Variants in CCT8L2 observed in about 807,000 individuals in gnomAD.
CCT8L2 encodes chaperonin containing TCP1 subunit 8 like 2, also known as T-complex protein 1 subunit theta-like 2.
Under a neutral mutation model 31.5 loss-of-function variants are expected in CCT8L2, and 29 were observed. The observed-to-expected ratio is 0.92, with a 90% CI of 0.68 to 1.25. The LOEUF is 1.25. Ranked by LOEUF, CCT8L2 falls within the 50% of genes most tolerant of loss-of-function variation. The probability of loss-of-function intolerance (pLI) is 0.00; values close to 1 mark genes in which losing one functional copy is unlikely to be tolerated. For synonymous variants in CCT8L2, 256 were observed against 290.1 expected (o/e 0.88, Z 1.19); for missense variants, 589 against 695.7 (o/e 0.85, Z 1.73).
chr22:16,591,797 G>A lies in CCT8L2; in HGVS notation c.754C>T (p.His252Tyr), dbSNP rs149097373. 6.2e-6 allele frequency: 10 copies of A among 1,614,062 alleles called. No individual in the cohort carries two copies. The highest frequency in any genetic ancestry group is 1.3e-5 in the African/African-American group (1 of 74,920). ...ALFACPFGPA[H>Y]PNAPATARLS... Reference sequence around the variant, plus strand: ...CGGGCCGTTGCTGGTGCATTTGGATGGGCAGGACCAAAGGGGCAAGCAAAG... The same window carrying A: ...CGGGCCGTTGCTGGTGCATTTGGATAGGCAGGACCAAAGGGGCAAGCAAAG... The change falls in exon 1 of 1, where the codon CAT becomes TAT. Residue 252 changes from histidine (H) to tyrosine (Y), a missense_variant. His to Tyr is a moderately conservative substitution (Grantham distance 83, BLOSUM62 2). Transcript: ENST00000359963.
rs778618521 is a variant in CCT8L2, at chr22:16,592,556, G to A, written c.-6C>T. On this transcript the variant is annotated 5_prime_UTR_variant, in exon 1 of 1. Coordinates refer to ENST00000359963, the MANE Select transcript of CCT8L2 (RefSeq NM_014406.5). ...GAAGGGACTGTGCTGTCCATGGCCC[G>A]CAGAGAGAGGAGAGGCCACCGTGGG... The A allele has an allele frequency of 1.8e-5, 29 of 1,589,212 alleles. No homozygotes were observed. Among genetic ancestry groups the A allele is most frequent in the South Asian group, 9.1e-5 (8 of 87,862 alleles).
chr22:16,590,877 C>A lies in CCT8L2; in HGVS notation c.1674G>T (p.Ter558TyrextTer1). Residue 558 changes from the stop codon to tyrosine, a stop_lost, in exon 1 of 1, where the codon TAG becomes TAT. Transcript: ENST00000359963. ...AATCCCTGTTTTATTGAGGGTATCA[C>A]TAGTTATTCAATCCAAGGATTTTTT... The part of the protein sequence containing the change: ...ETKKILGLNN[*>Y] The A allele has an allele frequency of 6.3e-7, 1 of 1,598,820 alleles. No individual in the cohort carries two copies. The highest frequency in any genetic ancestry group is 8.5e-7 in the Non-Finnish European group (1 of 1,171,118).
In CCT8L2 at chr22:16,591,357, G is replaced by A; in HGVS notation, c.1194C>T (p.Ala398=). Residue 398 remains alanine (A), a synonymous_variant, in exon 1 of 1, where the codon GCC becomes GCT. Transcript: ENST00000359963. The stretch of plus-strand genomic sequence containing the variant: ...TGGGATCTTGACATAGCTGGAAATA[G>A]GCATCAATGCCGTGGTAGACGGCCT... ...AEQAVYHGID[A]YFQLCQDPRL... is the part of the protein sequence containing the mutation. 6.2e-7 allele frequency: 1 copy of A among 1,614,062 alleles called. No individual in the cohort carries two copies. Among genetic ancestry groups the A allele is most frequent in the Non-Finnish European group, 8.5e-7 (1 of 1,179,886 alleles).
rs1568982929 is a variant in CCT8L2 at position 16,592,615 on chromosome 22, A to C, written c.-65T>G. On this transcript the variant is annotated 5_prime_UTR_variant, in exon 1 of 1. Coordinates refer to ENST00000359963, the MANE Select transcript of CCT8L2 (RefSeq NM_014406.5). The stretch of plus-strand genomic sequence containing the variant: ...ATGCTCTAGAAACAGCAGCTGGGGC[A>C]CTCCTGACACCGATCGTTGAAAGTA... 7.3e-7 allele frequency: 1 copy of C among 1,372,132 alleles called. No individual in the cohort carries two copies. The highest frequency in any genetic ancestry group is 2.3e-5 in the East Asian group (1 of 42,978). The allele number at this position is 1,372,132 out of a possible 1,614,324, so 85.0% of individuals were successfully genotyped here. A position where few individuals can be genotyped will look rare whatever the true frequency, so the allele number is the denominator to read the frequency against.
Position 16,591,145 on chromosome 22 carries a change from C to T in CCT8L2, c.1406G>A (p.Gly469Glu), listed in dbSNP as rs143206711. Residue 469 changes from glycine (G) to glutamate (E), a missense_variant, in exon 1 of 1, where the codon GGA becomes GAA. Physicochemically the swap from Gly to Glu is moderately conservative, Grantham distance 98. Transcript: ENST00000359963. ...TAGGAGGTTCCCACCTTGGTGCACT[C>T]CACTCATTTCTGCCATCACGTCTGA... ...AVSDVMAEMSGVHQGGNLLMG... is the reference protein window; with the variant it reads ...AVSDVMAEMSEVHQGGNLLMG... 276 of 1,614,050 alleles carry T rather than the reference C, an allele frequency of 1.7e-4. No individual in the cohort carries two copies. The African/African-American group carries it at 3.3e-3, about 19-fold the overall frequency.
Position 16,591,132 on chromosome 22 carries a change from A to T in CCT8L2, c.1419T>A (p.Gly473=). Residue 473 remains glycine, a synonymous_variant, in exon 1 of 1, where the codon GGT becomes GGA. Coordinates refer to ENST00000359963, the MANE Select transcript of CCT8L2 (RefSeq NM_014406.5). The stretch of plus-strand genomic sequence containing the variant: ...TTCCCACACCCATTAGGAGGTTCCC[A>T]CCTTGGTGCACTCCACTCATTTCTG... The part of the protein sequence containing the change: ...VMAEMSGVHQ[G]GNLLMGVGTE... The T allele has an allele frequency of 6.2e-7, 1 of 1,613,978 alleles. No homozygotes were observed. Among genetic ancestry groups the T allele is most frequent in the Non-Finnish European group, 8.5e-7 (1 of 1,179,856 alleles).
rs1216928567 is a variant in CCT8L2 at position 16,592,617 on chromosome 22, T to C, written c.-67A>G. The C allele has an allele frequency of 6.6e-6, 9 of 1,359,936 alleles. No homozygotes were observed. Among genetic ancestry groups the C allele is most frequent in the Non-Finnish European group, 9.0e-6 (9 of 995,878 alleles). 84.2% of individuals were successfully genotyped at this position (1,359,936 alleles called of 1,614,324 possible). On this transcript the variant is annotated 5_prime_UTR_variant, in exon 1 of 1. Transcript: ENST00000359963. ...GCTCTAGAAACAGCAGCTGGGGCAC[T>C]CCTGACACCGATCGTTGAAAGTACT...
chr22:16,592,425 G>A lies in CCT8L2; in HGVS notation c.126C>T (p.Thr42=), dbSNP rs779487878. The stretch of plus-strand genomic sequence containing the variant: ...AGCAAGGCCGGATGACACTGGCCAG[G>A]GTCTGGACTGCAGCCAAGCTGCTCA... The part of the protein sequence containing the change: ...HLLSSLAAVQ[T]LASVIRPCYG... Residue 42 remains threonine, a synonymous_variant, in exon 1 of 1, where the codon ACC becomes ACT. Transcript: ENST00000359963. 6 of 1,614,138 alleles carry A rather than the reference G, an allele frequency of 3.7e-6. No homozygotes were observed. The South Asian group carries it at 6.6e-5, about 18-fold the overall frequency.
At position 16,591,420 on chromosome 22, in the gene CCT8L2, G is replaced by A; in HGVS notation, c.1131C>T (p.Leu377=). The A allele has an allele frequency of 1.2e-6, 2 of 1,614,090 alleles. No individual in the cohort carries two copies. Among genetic ancestry groups the A allele is most frequent in the East Asian group, 2.2e-5 (1 of 44,886 alleles). The change falls in exon 1 of 1, where the codon CTC becomes CTT. Residue 377 remains leucine (L), a synonymous_variant. Transcript: ENST00000359963. ...CTGTPALTVV[L]RGATTQGLRS... ...GCAGCCCCTGGGTGGTGGCTCCCCT[G>A]AGAACCACAGTGAGGGCAGGTGTGC...
rs750477098 is a variant in CCT8L2, at chr22:16,591,892, G to A, written c.659C>T (p.Pro220Leu). The A allele has an allele frequency of 6.1e-5, 98 of 1,614,078 alleles. No homozygotes were observed. The highest frequency in any genetic ancestry group is 2.7e-4 in the East Asian group (12 of 44,852). The change falls in exon 1 of 1, where the codon CCG becomes CTG. Residue 220 changes from proline to leucine, a missense_variant. By Grantham distance (98) the Pro-to-Leu change is moderately conservative (BLOSUM62 -3). Transcript: ENST00000359963. Reference sequence around the variant, plus strand: ...GAGCTTCCCAGATATTGCTAACCCCGGGAGGAGGCAGGAATCCTCCAGTGT... The same window carrying A: ...GAGCTTCCCAGATATTGCTAACCCCAGGAGGAGGCAGGAATCCTCCAGTGT... Reference protein sequence around the residue: ...GGTLEDSCLLPGLAISGKLCG... With the variant: ...GGTLEDSCLLLGLAISGKLCG...
Position 16,592,705 on chromosome 22 carries a change from G to A in CCT8L2, c.-155C>T, listed in dbSNP as rs1475047235. ...GATTGGTATCTGAAGACATCAGCAC[G>A]GACCAGCACTCCACTGTGGGTCCAA... On this transcript the variant is annotated 5_prime_UTR_variant, in exon 1 of 1. Coordinates refer to ENST00000359963, the MANE Select transcript of CCT8L2 (RefSeq NM_014406.5). 14 of 650,418 alleles carry A rather than the reference G, an allele frequency of 2.2e-5. No homozygotes were observed. The highest frequency in any genetic ancestry group is 9.0e-5 in the Admixed American group (3 of 33,334). 40.3% of individuals were successfully genotyped at this position (650,418 alleles called of 1,614,324 possible).
chr22:16,591,017 G>A lies in CCT8L2; in HGVS notation c.1534C>T (p.Leu512=). 1 of 1,613,972 alleles carries A rather than the reference G, an allele frequency of 6.2e-7. No homozygotes were observed. The highest frequency in any genetic ancestry group is 8.5e-7 in the Non-Finnish European group (1 of 1,179,866). ...ATTTCATCTACAGTCACGAGCTGTA[G>A]CACCACCTCAGCCACTGCTCGAAAT... ...QGFRAVAEVV[L]QLVTVDEIVV... is the part of the protein sequence containing the mutation. Residue 512 remains leucine (L), a synonymous_variant, in exon 1 of 1, where the codon CTA becomes TTA. Transcript: ENST00000359963.
rs2059589017 is a variant in CCT8L2 at position 16,591,303 on chromosome 22, T to C, written c.1248A>G (p.Glu416=). The C allele has an allele frequency of 7.4e-6, 12 of 1,613,914 alleles. No homozygotes were observed. The highest frequency in any genetic ancestry group is 1.3e-5 in the African/African-American group (1 of 74,938). ...CAGAAAGCATTTTTGCCAAAGCCATTTCTGTGGCCCCAGCTCCTGGAATCA... is the reference window on the plus strand; with the variant it reads ...CAGAAAGCATTTTTGCCAAAGCCATCTCTGTGGCCCCAGCTCCTGGAATCA... The part of the protein sequence containing the change: ...PRLIPGAGAT[E]MALAKMLSDK... Residue 416 remains glutamate, a synonymous_variant, in exon 1 of 1, where the codon GAA becomes GAG. Transcript: ENST00000359963.
In CCT8L2 at chr22:16,590,934, C is replaced by G; in HGVS notation, c.1617G>C (p.Lys539Asn). 1 of 1,613,704 alleles carries G rather than the reference C, an allele frequency of 6.2e-7. No homozygotes were observed. Among genetic ancestry groups the G allele is most frequent in the South Asian group, 1.1e-5 (1 of 91,004 alleles). ...CCACAGGAGGTGGGTGTTTCTTTGTCTTCTTAGAGTCAGGATTCCAGATCT... is the reference window on the plus strand; with the variant it reads ...CCACAGGAGGTGGGTGTTTCTTTGTGTTCTTAGAGTCAGGATTCCAGATCT... Reference protein sequence around the residue: ...HQEIWNPDSKKTKKHPPPVET... With the variant: ...HQEIWNPDSKNTKKHPPPVET... The change falls in exon 1 of 1, where the codon AAG becomes AAC. Residue 539 changes from lysine (K) to asparagine (N), a missense_variant. Coordinates refer to ENST00000359963, the MANE Select transcript of CCT8L2 (RefSeq NM_014406.5).
Position 16,591,309 on chromosome 22 carries a change from G to A in CCT8L2, c.1242C>T (p.Ala414=). 1.2e-6 allele frequency: 2 copies of A among 1,614,040 alleles called. No individual in the cohort carries two copies. The highest frequency in any genetic ancestry group is 1.7e-6 in the Non-Finnish European group (2 of 1,179,882). The stretch of plus-strand genomic sequence containing the variant: ...GCATTTTTGCCAAAGCCATTTCTGT[G>A]GCCCCAGCTCCTGGAATCAGTCTGG... The part of the protein sequence containing the change: ...QDPRLIPGAG[A]TEMALAKMLS... The change falls in exon 1 of 1, where the codon GCC becomes GCT. Residue 414 remains alanine, a synonymous_variant. Coordinates refer to ENST00000359963, the MANE Select transcript of CCT8L2 (RefSeq NM_014406.5).
Position 16,591,529 on chromosome 22 carries a change from G to A in CCT8L2, c.1022C>T (p.Pro341Leu), listed in dbSNP as rs764072308. Residue 341 changes from proline to leucine, a missense_variant, in exon 1 of 1, where the codon CCC (proline) becomes CTC (leucine). Coordinates refer to ENST00000359963, the MANE Select transcript of CCT8L2 (RefSeq NM_014406.5). ...DTPLLPRLLP[P>L]QRPGKCQRVY... is the part of the protein sequence containing the mutation. ...CCTCTGGCACTTGCCTGGCCTCTGG[G>A]GAGGGAGCAGACGAGGCAGCAGAGG... The A allele has an allele frequency of 1.2e-6, 2 of 1,614,192 alleles. No individual in the cohort carries two copies. Among genetic ancestry groups the A allele is most frequent in the East Asian group, 2.2e-5 (1 of 44,874 alleles).
Position 16,591,485 on chromosome 22 carries a change from C to T in CCT8L2, c.1066G>A (p.Gly356Arg), listed in dbSNP as rs1166565426. Residue 356 changes from glycine (G) to arginine (R), a missense_variant, in exon 1 of 1, where the codon GGA (glycine) becomes AGA (arginine). Coordinates refer to ENST00000359963, the MANE Select transcript of CCT8L2 (RefSeq NM_014406.5). ...KCQRVYRQELGDGLAVVFEWE... is the reference protein window; with the variant it reads ...KCQRVYRQELRDGLAVVFEWE... ...TCAAATACCACAGCCAAACCATCTC[C>T]CAGCTCCTGCCTGTAAACCCTCTGG... The T allele has an allele frequency of 3.7e-6, 6 of 1,614,088 alleles. No homozygotes were observed. Among genetic ancestry groups the T allele is most frequent in the Non-Finnish European group, 5.1e-6 (6 of 1,180,060 alleles).
chr22:16,592,577 G>A lies in CCT8L2; in HGVS notation c.-27C>T, dbSNP rs373269003. The A allele has an allele frequency of 1.1e-3, 1,678 of 1,545,180 alleles. 2 individuals carry two copies. The highest frequency in any genetic ancestry group is 1.4e-3 in the Non-Finnish European group (1,621 of 1,144,982). On this transcript the variant is annotated 5_prime_UTR_variant, in exon 1 of 1. The change creates a new upstream start codon in the 5' untranslated region. Transcript: ENST00000359963. ...GCCCGCAGAGAGAGGAGAGGCCACC[G>A]TGGGTTGCAGAGATGCTCTAGAAAC...
At position 16,590,940 on chromosome 22, in the gene CCT8L2, A is replaced by G. The variant is rs17853213; in HGVS notation, c.1611T>C (p.Ser537=). The change falls in exon 1 of 1, where the codon TCT becomes TCC. Residue 537 remains serine (S), a synonymous_variant. Transcript: ENST00000359963. ...PTHQEIWNPD[S]KKTKKHPPPV... ...GAGGTGGGTGTTTCTTTGTCTTCTT[A>G]GAGTCAGGATTCCAGATCTCCTGAT... 566 of 1,613,850 alleles carry G rather than the reference A, an allele frequency of 3.5e-4. No homozygotes were observed. The highest frequency in any genetic ancestry group is 5.6e-4 in the East Asian group (25 of 44,868).
Sources: allele counts gnomAD v4.1 joint callset, GRCh38; gene constraint gnomAD v4.1.1; transcripts MANE v1.5; gene names NCBI Gene and HGNC (gene_info 2026-07-23, HGNC 2026-07-21).